The following ERGIC1 variants were observed in gnomAD, a reference collection of about 807,000 sequenced individuals.
ERGIC1 encodes the protein endoplasmic reticulum-Golgi intermediate compartment protein 1.
Under a neutral mutation model 38.3 loss-of-function variants are expected in ERGIC1, and 19 were observed. The observed-to-expected ratio is 0.50, with a 90% CI of 0.35 to 0.73. ERGIC1 has a LOEUF of 0.73. Ranked by LOEUF, ERGIC1 falls within the 30% of genes least tolerant of loss-of-function variation. The pLI is 0.01. For missense variants in ERGIC1, 294 were observed against 389.2 expected (o/e 0.76, Z 2.06); for synonymous variants, 124 against 157.6 (o/e 0.79, Z 1.60).
intron 3 of ERGIC1, among the ~76,000 whole-genome samples, chr5:172,904,358 A>G (rs1413939258): frequency 6.6e-6 from 1 of 152,180 alleles, no homozygotes; most frequent in Non-Finnish European, 1.5e-5. Context: ...TTCCATTGCC[A>G]TAGATTAATT....
chr5:172,903,968 TAC>T (rs70984919), intron 3 of ERGIC1, among the ~76,000 whole-genome samples: 5,550 of 150,322 alleles, frequency 0.037, 311 homozygotes, highest in African/African-American at 0.13. Context: ...GTCTCACACA[TAC>T]ACACACACAC....
intron 1 of ERGIC1, among the ~76,000 whole-genome samples, chr5:172,878,363 AG>A (rs1187689836): frequency 6.6e-6 from 1 of 152,146 alleles, no homozygotes; most frequent in Non-Finnish European, 1.5e-5. Flanking sequence ...CATGTGGCCC[AG>A]GGGTGAGAAG....
At chr5:172,892,640 A>G (rs1018537985) in intron 2 of ERGIC1, among the ~76,000 whole-genome samples, 4 of 152,202 alleles carry the variant, frequency 2.6e-5, no homozygotes, top group African/African-American at 9.7e-5. Context: ...AGAGAGCCTT[A>G]GAGTCTTGCC....
chr5:172,881,491 C>T (rs2113223511), intron 1 of ERGIC1, among the ~76,000 whole-genome samples: 1 of 152,310 alleles, frequency 6.6e-6, no homozygotes, highest in African/African-American at 2.4e-5. Context: ...CCCTTGAGAA[C>T]TCATACTCCA....
chr5:172,946,335 C>G (rs1467644077), intron 9 of ERGIC1, among the ~76,000 whole-genome samples: 1 of 152,208 alleles, frequency 6.6e-6, no homozygotes, highest in Non-Finnish European at 1.5e-5. Context: ...TCCCCACAGC[C>G]CAGGGAAATG....
intron 9 of ERGIC1, among the ~76,000 whole-genome samples, chr5:172,946,167 G>A (rs1764117304): frequency 6.6e-6 from 1 of 152,192 alleles, no homozygotes; most frequent in African/African-American, 2.4e-5. Context: ...GCAGGGAGGT[G>A]CACACCTCCC....
Position 172,952,295 on chromosome 5 carries a change from C to G in ERGIC1, c.*1479C>G, listed in dbSNP as rs1764247547. On this transcript the variant is annotated 3_prime_UTR_variant, in exon 10 of 10. Transcript: ENST00000393784. ...CTAAGCTCCGATTGGAGACGCTTCT[C>G]CTTGTGCATGTGAGTTGACTGATGT... 1 of 151,970 alleles carries G rather than the reference C, an allele frequency of 6.6e-6. No individual in the cohort carries two copies. The highest frequency in any genetic ancestry group is 2.1e-4 in the South Asian group (1 of 4,824). The allele number at this position is 151,970 out of a possible 1,614,324, so 9.4% of individuals were successfully genotyped here.
chr5:172,875,875 T>G (rs868817353), intron 1 of ERGIC1, among the ~76,000 whole-genome samples: 2 of 152,108 alleles, frequency 1.3e-5, no homozygotes, highest in Non-Finnish European at 2.9e-5. Context: ...GCCACGTCCT[T>G]TATTTATTGA....
At chr5:172,947,183 CAAAAA>C (rs11308202) in intron 9 of ERGIC1, among the ~76,000 whole-genome samples, 4 of 122,346 alleles carry the variant, frequency 3.3e-5, no homozygotes, top group Non-Finnish European at 3.4e-5. Flanking sequence ...GACTCAATCT[CAAAAA>C]AAAAAAAAAA....
rs1183643961 is a variant in ERGIC1 at position 172,834,713 on chromosome 5, C to T, written c.20+280C>T. 1.3e-5 allele frequency among the ~76,000 whole-genome samples: 2 copies of T among 152,040 alleles called. No individual in the cohort carries two copies. The highest frequency in any genetic ancestry group is 2.9e-5 in the Non-Finnish European group (2 of 67,960). On this transcript the variant is annotated intron_variant, in intron 1 of 9. Transcript: ENST00000393784. This position sits in a 1 kb window ranked among gnomAD's most constrained non-coding sequence, Gnocchi z 4.1. The stretch of plus-strand genomic sequence containing the variant: ...CCGGATACCTTGCATTCCCCTCCCC[C>T]ACACTAGGAAACATTTCCTCCCTCC...
At chr5:172,862,072 A>C (rs188444418) in intron 1 of ERGIC1, among the ~76,000 whole-genome samples, 1 of 151,194 alleles carries the variant, frequency 6.6e-6, no homozygotes, top group Non-Finnish European at 1.5e-5. Flanking sequence ...GCTCGCTGCA[A>C]CCTCCGCCTC....
intron 5 of ERGIC1, among the ~76,000 whole-genome samples, chr5:172,918,929 C>G (rs533904598): frequency 6.7e-6 from 1 of 148,340 alleles, no homozygotes; most frequent in African/African-American, 2.4e-5. Flanking sequence ...CACCCACATT[C>G]ACTCCCCACC....
intron 1 of ERGIC1, among the ~76,000 whole-genome samples, chr5:172,841,176 G>A (rs1329230704): frequency 6.6e-6 from 1 of 152,128 alleles, no homozygotes; most frequent in African/African-American, 2.4e-5. Flanking sequence ...TACATTGATT[G>A]TATATGTGGG....
At chr5:172,878,984 G>A (rs1415343169) in intron 1 of ERGIC1, among the ~76,000 whole-genome samples, 2 of 152,220 alleles carry the variant, frequency 1.3e-5, no homozygotes, top group South Asian at 2.1e-4. Context: ...TAAAAGCCTC[G>A]ATGGCTATTT....
intron 9 of ERGIC1, among the ~76,000 whole-genome samples, chr5:172,942,577 G>A (rs1195679221): frequency 6.6e-6 from 1 of 152,212 alleles, no homozygotes; most frequent in East Asian, 1.9e-4. Context: ...TTATTGGAGG[G>A]ACAGAACAGA....
At chr5:172,909,629 C>A in intron 3 of ERGIC1, 38 bp from the exon 4 acceptor site, 1 of 1,580,696 alleles carries the variant, frequency 6.3e-7, no homozygotes, top group Non-Finnish European at 8.7e-7. Context: ...TCTTTGCCGC[C>A]ATCTCAACAA....
At position 172,929,470 on chromosome 5, in the gene ERGIC1, C is replaced by T. The variant is rs75809429; in HGVS notation, c.541+2901C>T. Among the ~76,000 whole-genome samples the T allele has an allele frequency of 4.1e-3, 630 of 152,240 alleles. 3 individuals carry two copies. Among genetic ancestry groups the T allele is most frequent in the Non-Finnish European group, 7.3e-3 (499 of 68,034 alleles). On this transcript the variant is annotated intron_variant, in intron 7 of 9. Transcript: ENST00000393784. ...TAGGAATGGTCAGCTCACAAGGAAT[C>T]CACATGGGTGTAATTAACTGCAGTG... is the stretch of plus-strand genomic sequence containing the variant.
intron 2 of ERGIC1, among the ~76,000 whole-genome samples, chr5:172,896,787 G>T (rs1470526866): frequency 2.0e-5 from 3 of 152,206 alleles, no homozygotes; most frequent in Non-Finnish European, 4.4e-5. Flanking sequence ...GCTCATGTCG[G>T]CAGGTTGATC....
intron 1 of ERGIC1, among the ~76,000 whole-genome samples, chr5:172,886,447 C>T (rs1205499995): frequency 6.6e-6 from 1 of 152,138 alleles, no homozygotes; most frequent in African/African-American, 2.4e-5. Flanking sequence ...TCCAGCACCT[C>T]GTGATGAGGA....
Sources: allele counts gnomAD v4.1 joint callset (sites outside exome capture counted in the v4.1 genomes callset), GRCh38; gene constraint gnomAD v4.1.1; non-coding constraint Gnocchi (gnomAD v3.1); transcripts MANE v1.5; gene names NCBI Gene and HGNC (gene_info 2026-07-23, HGNC 2026-07-21).